The following DLGAP1 variants were observed in gnomAD, a reference collection of about 807,000 sequenced individuals.
DLGAP1 encodes the protein disks large-associated protein 1.
Under a neutral mutation model 90.8 loss-of-function variants are expected in DLGAP1, and 11 were observed. That is an observed-to-expected ratio of 0.12 (90% CI 0.08 to 0.20). The LOEUF (loss-of-function observed/expected upper bound fraction) is 0.20, where lower values mean the gene tolerates loss of function less well. Among genes scored for constraint, DLGAP1 ranks in the 10% least tolerant of loss-of-function variants. The pLI is 1.00. For synonymous variants in DLGAP1, 558 were observed against 540.7 expected (o/e 1.03, Z -0.44); for missense variants, 1,050 against 1,333.8 (o/e 0.79, Z 3.31).
intron 1 of DLGAP1, among the ~76,000 whole-genome samples, chr18:4,285,389 A>G (rs1453850149): frequency 6.6e-6 from 1 of 152,198 alleles, no homozygotes; most frequent in East Asian, 1.9e-4. Flanking sequence ...GGGGCAGAAA[A>G]TGGAGCTGAA....
rs949116572 is a variant in DLGAP1, at chr18:4,387,808, G to A, written c.-267+67198C>T. Reference sequence around the variant, plus strand: ...TAGTCGGGCATGGTGGTGTGTGCCTGTAGTCCCAGCTACTTGGGAGGCTGA... The same window carrying A: ...TAGTCGGGCATGGTGGTGTGTGCCTATAGTCCCAGCTACTTGGGAGGCTGA... On this transcript the variant is annotated intron_variant, in intron 1 of 12. Transcript: ENST00000315677. Among the ~76,000 whole-genome samples the A allele has an allele frequency of 8.5e-5, 13 of 152,106 alleles. 1 individual carries two copies. The highest frequency in any genetic ancestry group is 2.9e-4 in the African/African-American group (12 of 41,412).
chr18:4,003,150 A>G (rs72868278), intron 3 of DLGAP1, among the ~76,000 whole-genome samples: 26,445 of 152,170 alleles, frequency 0.17, 2,847 homozygotes, highest in Non-Finnish European at 0.24. Flanking sequence ...ACATATTAAA[A>G]TGAGGGGGGA....
At chr18:4,003,774 G>A (rs1227091959) in intron 3 of DLGAP1, among the ~76,000 whole-genome samples, 1 of 152,190 alleles carries the variant, frequency 6.6e-6, no homozygotes, top group Non-Finnish European at 1.5e-5. Flanking sequence ...AATTTCATAA[G>A]TGTATTTATC....
At chr18:4,229,940 G>C (rs1598672208) in intron 1 of DLGAP1, among the ~76,000 whole-genome samples, 1 of 152,092 alleles carries the variant, frequency 6.6e-6, no homozygotes, top group East Asian at 1.9e-4. Flanking sequence ...CAACTCCATA[G>C]GAAGAAAGTC....
intron 10 of DLGAP1, among the ~76,000 whole-genome samples, chr18:3,523,906 AAAAC>A (rs760347132): frequency 1.2e-4 from 18 of 152,268 alleles, no homozygotes; most frequent in South Asian, 2.1e-4. Flanking sequence ...AGACAAAACA[AAAAC>A]AAACAAACAA....
At chr18:4,075,988 C>G (rs1044579967) in intron 2 of DLGAP1, among the ~76,000 whole-genome samples, 18 of 152,136 alleles carry the variant, frequency 1.2e-4, no homozygotes, top group African/African-American at 4.1e-4. Flanking sequence ...GCAGTTAACT[C>G]TTGGTCGCTC....
chr18:3,552,813 A>G (rs925701735), intron 9 of DLGAP1, among the ~76,000 whole-genome samples: 1 of 152,148 alleles, frequency 6.6e-6, no homozygotes, highest in African/African-American at 2.4e-5. Flanking sequence ...AGAGCGCCCA[A>G]TGCCACCCAT....
intron 1 of DLGAP1, among the ~76,000 whole-genome samples, chr18:4,393,738 A>G (rs2082383455): frequency 6.6e-6 from 1 of 152,146 alleles, no homozygotes; most frequent in Non-Finnish European, 1.5e-5. Context: ...GGCACCAGGG[A>G]CTGGTTTCAT....
chr18:3,650,307 G>A (rs1470389434), intron 7 of DLGAP1, among the ~76,000 whole-genome samples: 2 of 152,112 alleles, frequency 1.3e-5, no homozygotes, highest in Non-Finnish European at 2.9e-5. Flanking sequence ...GCCTCCCAAA[G>A]TGCTGGGATT....
intron 2 of DLGAP1, among the ~76,000 whole-genome samples, chr18:4,066,586 C>A (rs923044307): frequency 3.3e-5 from 5 of 152,080 alleles, no homozygotes; most frequent in African/African-American, 1.2e-4. Flanking sequence ...CTCAACATTA[C>A]TGATTATTAG....
chr18:3,613,591 C>T (rs748518054), intron 7 of DLGAP1, among the ~76,000 whole-genome samples: 18 of 152,016 alleles, frequency 1.2e-4, no homozygotes, highest in Non-Finnish European at 2.4e-4. Context: ...CTCCCACTTC[C>T]TCTCTAAGTG....
intron 3 of DLGAP1, chr18:3,885,454 C>T (rs1463557309): frequency 6.6e-6 from 1 of 152,130 alleles, no homozygotes; most frequent in East Asian, 1.9e-4. Flanking sequence ...ATGACCTAGC[C>T]ACAAAAAAAC....
chr18:3,975,288 A>C (rs72864983), intron 3 of DLGAP1, among the ~76,000 whole-genome samples: 6,094 of 152,304 alleles, frequency 0.04, 214 homozygotes, highest in African/African-American at 0.097. Flanking sequence ...AAAATGGGCA[A>C]GGAAATTGAA....
chr18:3,538,180 G>T (rs998738978), intron 9 of DLGAP1, among the ~76,000 whole-genome samples: 5 of 151,956 alleles, frequency 3.3e-5, no homozygotes, highest in African/African-American at 1.2e-4. Context: ...TAAAAGTCAA[G>T]AAAAAAAGTG....
At chr18:3,721,135 T>C (rs2061967038) in intron 7 of DLGAP1, among the ~76,000 whole-genome samples, 1 of 152,136 alleles carries the variant, frequency 6.6e-6, no homozygotes, top group South Asian at 2.1e-4. Flanking sequence ...AGCCTGTTTT[T>C]CTAGTTTGTG....
chr18:4,317,885 C>T (rs1380972641), intron 1 of DLGAP1, among the ~76,000 whole-genome samples: 1 of 152,200 alleles, frequency 6.6e-6, no homozygotes, highest in Non-Finnish European at 1.5e-5. Flanking sequence ...CTCACTCTGT[C>T]GGCCAGAATG....
chr18:3,850,452 G>T (rs956719711), intron 4 of DLGAP1, among the ~76,000 whole-genome samples: 1 of 152,030 alleles, frequency 6.6e-6, no homozygotes, highest in Non-Finnish European at 1.5e-5. Flanking sequence ...TTAGATGAAT[G>T]ATTTAATTTT....
chr18:4,088,890 A>G (rs9946647), intron 2 of DLGAP1, among the ~76,000 whole-genome samples: 4,546 of 152,294 alleles, frequency 0.03, 155 homozygotes, highest in East Asian at 0.14. Flanking sequence ...GAAAACTGGC[A>G]CAAGACAAGG....
At chr18:3,563,661 G>T (rs1004121469) in intron 9 of DLGAP1, among the ~76,000 whole-genome samples, 8 of 151,966 alleles carry the variant, frequency 5.3e-5, no homozygotes, top group South Asian at 2.1e-4. Context: ...TAGAGATGGG[G>T]TTTCTCCATG....
Sources: allele counts gnomAD v4.1 joint callset (sites outside exome capture counted in the v4.1 genomes callset), GRCh38; gene constraint gnomAD v4.1.1; transcripts MANE v1.5; gene names NCBI Gene and HGNC (gene_info 2026-07-23, HGNC 2026-07-21).